Variants in MALRD1 observed in about 807,000 individuals in gnomAD.
The protein encoded by MALRD1 is MAM and LDL-receptor class A domain-containing protein 1.
A neutral mutation model predicts 242.1 loss-of-function variants in MALRD1; 247 were observed. That is an observed-to-expected ratio of 1.02 (90% CI 0.92 to 1.13). The LOEUF is 1.13. Ranked by LOEUF, MALRD1 falls within the 50% of genes most tolerant of loss-of-function variation. The probability of loss-of-function intolerance (pLI) is 0.00; values close to 1 mark genes in which losing one functional copy is unlikely to be tolerated. For synonymous variants in MALRD1, 995 were observed against 866.6 expected, an observed-to-expected ratio of 1.15 and a Z score of -2.60; for missense variants, 2,989 against 2,533.1, an observed-to-expected ratio of 1.18 and a Z score of -3.86.
At chr10:19,253,510 G>GC (rs1277160287) in intron 18 of MALRD1, among the ~76,000 whole-genome samples, 23 of 151,940 alleles carry the variant, frequency 1.5e-4, no homozygotes, top group African/African-American at 5.6e-4. Flanking sequence ...CTCCAGGACT[G>GC]CCCCCATGTA....
intron 32 of MALRD1, among the ~76,000 whole-genome samples, chr10:19,562,024 C>A (rs867492720): frequency 6.6e-6 from 1 of 152,120 alleles, no homozygotes; most frequent in Non-Finnish European, 1.5e-5. Context: ...TGGGGCCAGG[C>A]GCAGTGGCTT....
chr10:19,304,337 A>C (rs557047648), intron 21 of MALRD1, among the ~76,000 whole-genome samples: 8,053 of 149,510 alleles, frequency 0.054, 402 homozygotes, highest in African/African-American at 0.14. Flanking sequence ...TCTATCCCTC[A>C]TCTCTCTCTC....
chr10:19,622,450 A>G (rs1490657562), intron 36 of MALRD1, among the ~76,000 whole-genome samples: 1 of 151,802 alleles, frequency 6.6e-6, no homozygotes, highest in Admixed American at 6.6e-5. Flanking sequence ...AACAATCCAG[A>G]AGAACTTAAA....
At chr10:19,589,914 A>G (rs1837672043) in intron 33 of MALRD1, among the ~76,000 whole-genome samples, 1 of 152,142 alleles carries the variant, frequency 6.6e-6, no homozygotes, top group Non-Finnish European at 1.5e-5. Flanking sequence ...TCTACACAGT[A>G]ATTGTCTCGC....
chr10:19,060,919 T>G (rs1834804647), intron 1 of MALRD1, among the ~76,000 whole-genome samples: 1 of 151,952 alleles, frequency 6.6e-6, no homozygotes, highest in Non-Finnish European at 1.5e-5. Context: ...ATTAAGAAAA[T>G]GTGAAATACT....
chr10:19,150,511 G>A (rs1323858825), intron 11 of MALRD1, among the ~76,000 whole-genome samples: 1 of 152,068 alleles, frequency 6.6e-6, no homozygotes, highest in African/African-American at 2.4e-5. Context: ...CCAAAGCACC[G>A]ACTCTATCTG....
At chr10:19,355,932 T>A (rs1729569638) in intron 26 of MALRD1, among the ~76,000 whole-genome samples, 2 of 146,424 alleles carry the variant, frequency 1.4e-5, no homozygotes, top group African/African-American at 5.0e-5. Flanking sequence ...ATATCATATA[T>A]AATATATATA....
intron 18 of MALRD1, among the ~76,000 whole-genome samples, chr10:19,232,227 T>G (rs1838111864): frequency 6.6e-6 from 1 of 152,080 alleles, no homozygotes; most frequent in African/African-American, 2.4e-5. Flanking sequence ...AGTGTAGTGG[T>G]AAGATCTCTG....
chr10:19,719,211 T>TAC (rs796121333), intron 38 of MALRD1, among the ~76,000 whole-genome samples: 1 of 21,464 alleles, frequency 4.7e-5, no homozygotes. Flanking sequence ...TATATATATA[T>TAC]ACACATACAT....
chr10:19,715,159 A>G (rs1834324091), intron 38 of MALRD1, among the ~76,000 whole-genome samples: 1 of 151,986 alleles, frequency 6.6e-6, no homozygotes, highest in African/African-American at 2.4e-5. Context: ...ATTGCTCCTT[A>G]TTTCCCTATA....
intron 33 of MALRD1, among the ~76,000 whole-genome samples, chr10:19,580,528 G>A (rs1014402918): frequency 6.6e-6 from 1 of 152,102 alleles, no homozygotes; most frequent in Non-Finnish European, 1.5e-5. Context: ...TTTTATTAGT[G>A]AGTAGCTTCC....
intron 26 of MALRD1, among the ~76,000 whole-genome samples, chr10:19,381,556 G>C (rs61850926): frequency 2.6e-5 from 4 of 151,648 alleles, no homozygotes; most frequent in South Asian, 2.1e-4. Flanking sequence ...GGCCAGGCAC[G>C]GTGGCTCACG....
chr10:19,405,706 G>A (rs538381128), intron 28 of MALRD1, among the ~76,000 whole-genome samples: 1 of 152,216 alleles, frequency 6.6e-6, no homozygotes, highest in African/African-American at 2.4e-5. Context: ...TTCACACATA[G>A]ATTCTCTCCA....
At chr10:19,048,385 C>T (rs1047182491), upstream of MALRD1, among the ~76,000 whole-genome samples, 4 of 152,170 alleles carry the variant, frequency 2.6e-5, no homozygotes, top group South Asian at 6.2e-4. Context: ...CAAAAGAAGA[C>T]AAAAACAAGC....
At chr10:19,248,689 A>G (rs996385781) in intron 18 of MALRD1, among the ~76,000 whole-genome samples, 6 of 151,738 alleles carry the variant, frequency 4.0e-5, no homozygotes, top group African/African-American at 1.4e-4. Flanking sequence ...CTGTTTGGAC[A>G]TCATTTAACC....
At chr10:19,616,238 A>G (rs1385212826) in intron 36 of MALRD1, among the ~76,000 whole-genome samples, 1 of 151,978 alleles carries the variant, frequency 6.6e-6, no homozygotes, top group Non-Finnish European at 1.5e-5. Context: ...TTCTGATATG[A>G]ATATCTTTCT....
rs181725571 is a variant in MALRD1, at chr10:19,422,816, G to C, written c.4846-27491G>C. ...AGGCTGGAAATTTCAATGACAAAAA[G>C]TGCTAAATAATGATAGCATTTTCAT... On this transcript the variant is annotated intron_variant, in intron 28 of 39. Transcript: ENST00000454679. 4.6e-5 allele frequency among the ~76,000 whole-genome samples: 7 copies of C among 152,242 alleles called. No individual in the cohort carries two copies. In the East Asian group the frequency reaches 1.2e-3, roughly 25 times the overall value.
At chr10:19,329,329 C>G (rs1843263979) in intron 23 of MALRD1, among the ~76,000 whole-genome samples, 1 of 152,090 alleles carries the variant, frequency 6.6e-6, no homozygotes, top group Non-Finnish European at 1.5e-5. Context: ...AAGACTGCCT[C>G]TAGCCCTTGG....
intron 18 of MALRD1, among the ~76,000 whole-genome samples, chr10:19,234,150 G>T (rs10827113): frequency 0.046 from 7,007 of 151,838 alleles, 238 homozygotes; most frequent in Middle Eastern, 0.073. Context: ...GGTGTTCCTT[G>T]ATCTTCTGAT....
Sources: gnomAD v4.1 joint callset for allele counts (sites outside exome capture counted in the v4.1 genomes callset) on GRCh38, gnomAD v4.1.1 for gene constraint, MANE v1.5 for transcripts, NCBI Gene and HGNC (gene_info 2026-07-23, HGNC 2026-07-21) for gene names.